Variants in TBK1 observed in about 807,000 individuals in gnomAD.
TBK1 encodes serine/threonine-protein kinase TBK1.
In TBK1, 37 loss-of-function variants were observed where a neutral mutation model predicts 99.9. The observed-to-expected ratio is 0.37, with a 90% CI of 0.28 to 0.49. TBK1 has a LOEUF of 0.49. Ranked by LOEUF, TBK1 falls within the 20% of genes least tolerant of loss-of-function variation. The probability of loss-of-function intolerance (pLI) is 0.98; values close to 1 mark genes in which losing one functional copy is unlikely to be tolerated. For synonymous variants in TBK1, 258 were observed against 279.8 expected, an observed-to-expected ratio of 0.92 and a Z score of 0.78; for missense variants, 644 against 872.5, an observed-to-expected ratio of 0.74 and a Z score of 3.30.
chr12:64,464,147 C>T (rs1383590628), intron 3 of TBK1, among the ~76,000 whole-genome samples, 187 bp from the exon 4 acceptor site: 1 of 152,162 alleles, frequency 6.6e-6, no homozygotes, highest in African/African-American at 2.4e-5. Flanking sequence ...CAGGCGTGAG[C>T]CACCACACCC....
intron 8 of TBK1, among the ~76,000 whole-genome samples, chr12:64,483,804 C>T (rs529605758): frequency 2.0e-5 from 3 of 152,242 alleles, no homozygotes; most frequent in East Asian, 1.9e-4. Context: ...GCCAGGAGTT[C>T]GAAACCAGCC....
chr12:64,468,098 G>A (rs1249619364), intron 5 of TBK1, among the ~76,000 whole-genome samples: 2 of 152,116 alleles, frequency 1.3e-5, no homozygotes, highest in Non-Finnish European at 2.9e-5. Flanking sequence ...TGAGGCAGAA[G>A]GATCCCTTGA....
rs754329933 is a variant in TBK1, at chr12:64,485,937, G to C, written c.1260G>C (p.Gly420=). 4 of 1,579,860 alleles carry C rather than the reference G, an allele frequency of 2.5e-6. No individual in the cohort carries two copies. Among genetic ancestry groups the C allele is most frequent in the Non-Finnish European group, 3.4e-6 (4 of 1,164,228 alleles). ...GDASMAKAIT[G]VVCYACRIAS... is the part of the protein sequence containing the mutation. ...TATTTCTTTATTAGGCAATAACAGG[G>C]GTTGTGTGTTATGCCTGCAGAATTG... The change falls in exon 11 of 21, where the codon GGG becomes GGC. Residue 420 remains glycine (G), a synonymous_variant. Coordinates refer to ENST00000331710, the MANE Select transcript of TBK1 (RefSeq NM_013254.4).
chr12:64,460,035 A>G (rs1379461590), intron 2 of TBK1, among the ~76,000 whole-genome samples, 154 bp from the exon 3 acceptor site: 1 of 152,240 alleles, frequency 6.6e-6, no homozygotes, highest in Admixed American at 6.5e-5. Flanking sequence ...TTAACTTTTT[A>G]GAAAAGTCAA....
chr12:64,467,785 A>T (rs2040621917), intron 5 of TBK1, among the ~76,000 whole-genome samples: 1 of 152,232 alleles, frequency 6.6e-6, no homozygotes, highest in African/African-American at 2.4e-5. Flanking sequence ...CACACCCTGT[A>T]GCTTTATTCA....
Position 64,501,682 on chromosome 12 carries a change from A to C in TBK1, c.*301A>C, listed in dbSNP as rs1407463447. The C allele has an allele frequency of 4.1e-6, 1 of 244,788 alleles. No individual in the cohort carries two copies. Among genetic ancestry groups the C allele is most frequent in the Non-Finnish European group, 7.8e-6 (1 of 128,598 alleles). The allele number at this position is 244,788 out of a possible 1,614,324, so 15.2% of individuals were successfully genotyped here. A position where few individuals can be genotyped will look rare whatever the true frequency, so the allele number is the denominator to read the frequency against. On this transcript the variant is annotated 3_prime_UTR_variant, in exon 21 of 21. Transcript: ENST00000331710. ...TGATCCTCTACTCTGAGTGGGGCTAAATAAGTTATTTTCTCTGACCGCCTA... is the reference window on the plus strand; with the variant it reads ...TGATCCTCTACTCTGAGTGGGGCTACATAAGTTATTTTCTCTGACCGCCTA...
At chr12:64,488,447 C>G in intron 11 of TBK1, 40 bp from the exon 12 acceptor site, 1 of 1,255,934 alleles carries the variant, frequency 8.0e-7, no homozygotes, top group Non-Finnish European at 1.1e-6. Context: ...GAAAAAATAA[C>G]TCCTTAGATA....
chr12:64,488,527 AAGAC>A lies in TBK1; in HGVS notation c.1385_1388del (p.Thr462LysfsTer3), dbSNP rs1476919390. ...TGATTACAATGAAACTGTTCACAAA[AAGAC>A]AGAAGTTGTGATCACATTGGATTTC... On this transcript the variant is annotated frameshift_variant, in exon 12 of 21. Coordinates refer to ENST00000331710, the MANE Select transcript of TBK1 (RefSeq NM_013254.4). LOFTEE classifies it high-confidence loss of function. 4 of 1,603,476 alleles carry A rather than the reference AAGAC, an allele frequency of 2.5e-6. No individual in the cohort carries two copies. The highest frequency in any genetic ancestry group is 3.4e-6 in the Non-Finnish European group (4 of 1,176,578).
intron 3 of TBK1, among the ~76,000 whole-genome samples, chr12:64,463,905 CCA>C (rs1446398308): frequency 1.3e-5 from 2 of 150,074 alleles, no homozygotes; most frequent in Non-Finnish European, 2.9e-5. Flanking sequence ...CGCTCTGTCA[CCA>C]GGCTGGACTG....
At chr12:64,496,819 C>T (rs1205799289) in intron 16 of TBK1, 130 bp from the exon 17 acceptor site, 3 of 630,666 alleles carry the variant, frequency 4.8e-6, no homozygotes, top group Non-Finnish European at 8.0e-6. Context: ...CGTTTACTTT[C>T]TCCTGTAAAT....
intron 5 of TBK1, among the ~76,000 whole-genome samples, chr12:64,471,648 C>G (rs989702043): frequency 2.5e-4 from 38 of 152,152 alleles, no homozygotes; most frequent in Admixed American, 2.5e-3. Flanking sequence ...GCCACCACAC[C>G]CTGTCTCTTC....
At chr12:64,454,115 T>C (rs2040458755) in intron 1 of TBK1, among the ~76,000 whole-genome samples, 1 of 152,020 alleles carries the variant, frequency 6.6e-6, no homozygotes, top group Non-Finnish European at 1.5e-5. Context: ...TTTACATTAT[T>C]ACTTTTCTTT....
At position 64,485,436 on chromosome 12, in the gene TBK1, A is replaced by AT; in HGVS notation, c.1190-15dup. ...TTCAAAAAGTTTTCTTTCTCATTTT[A>AT]TTTTACTTCATATTTCAGTTTCCCT... is the stretch of plus-strand genomic sequence containing the variant. On this transcript the variant is annotated intron_variant, in intron 9 of 20. Coordinates refer to ENST00000331710, the MANE Select transcript of TBK1 (RefSeq NM_013254.4). 7.2e-7 allele frequency: 1 copy of AT among 1,396,660 alleles called. No individual in the cohort carries two copies. Among genetic ancestry groups the AT allele is most frequent in the Non-Finnish European group, 9.9e-7 (1 of 1,012,582 alleles). The allele number at this position is 1,396,660 out of a possible 1,614,324, so 86.5% of individuals were successfully genotyped here.
At position 64,482,014 on chromosome 12, in the gene TBK1, T is replaced by C; in HGVS notation, c.985T>C (p.Tyr329His). The C allele has an allele frequency of 6.4e-7, 1 of 1,552,324 alleles. No homozygotes were observed. Among genetic ancestry groups the C allele is most frequent in the South Asian group, 1.2e-5 (1 of 82,856 alleles). ...AGCTCATAAGATTTATATTCATAGC[T>C]ATAATACGTAAGTATCTCTATTTTC... ...MTAHKIYIHS[Y>H]NTATIFHELV... is the part of the protein sequence containing the mutation. Residue 329 changes from tyrosine to histidine, a missense_variant, in exon 8 of 21, where the codon TAT becomes CAT. Tyr to His is a moderately conservative substitution (Grantham distance 83). Coordinates refer to ENST00000331710, the MANE Select transcript of TBK1 (RefSeq NM_013254.4).
At chr12:64,483,205 T>C (rs1257662353) in intron 8 of TBK1, among the ~76,000 whole-genome samples, 3 of 152,246 alleles carry the variant, frequency 2.0e-5, no homozygotes, top group Non-Finnish European at 4.4e-5. Context: ...GATACCCCAT[T>C]CTCCATGGTG....
At chr12:64,490,991 G>T (rs1451617128) in intron 13 of TBK1, among the ~76,000 whole-genome samples, 3 of 151,700 alleles carry the variant, frequency 2.0e-5, no homozygotes, top group South Asian at 4.2e-4. Context: ...AGGAAAGAAA[G>T]ATTTGAGGTC....
At chr12:64,476,483 A>T (rs2040715587) in intron 6 of TBK1, among the ~76,000 whole-genome samples, 1 of 151,976 alleles carries the variant, frequency 6.6e-6, no homozygotes, top group South Asian at 2.1e-4. Context: ...AGGAGAGTGT[A>T]TTCATGTCCT....
At chr12:64,481,774 T>G in intron 7 of TBK1, 68 bp from the exon 8 acceptor site, 1 of 1,152,878 alleles carries the variant, frequency 8.7e-7, no homozygotes. Flanking sequence ...TGGTAAATAC[T>G]ATGATTTTTT....
intron 2 of TBK1, among the ~76,000 whole-genome samples, chr12:64,458,492 T>G (rs555627018): frequency 6.9e-6 from 1 of 144,744 alleles, no homozygotes; most frequent in East Asian, 2.0e-4. Context: ...GATGTGTTGA[T>G]CTGCACATAT....
Sources: allele counts gnomAD v4.1 joint callset (sites outside exome capture counted in the v4.1 genomes callset), GRCh38; gene constraint gnomAD v4.1.1; transcripts MANE v1.5; gene names NCBI Gene and HGNC (gene_info 2026-07-23, HGNC 2026-07-21).